Variants in COL15A1 observed in about 807,000 individuals in gnomAD.
COL15A1 encodes collagen alpha-1(XV) chain.
In COL15A1, 111 loss-of-function variants were observed where a neutral mutation model predicts 165.9. The ratio of observed to expected loss-of-function variants is 0.67; its 90% CI spans 0.57 to 0.78. The LOEUF is 0.78. Among genes scored for constraint, COL15A1 ranks in the 30% least tolerant of loss-of-function variants. The probability of loss-of-function intolerance (pLI) is 0.00; values close to 1 mark genes in which losing one functional copy is unlikely to be tolerated. For synonymous variants in COL15A1, 659 were observed against 674.8 expected (o/e 0.98, Z 0.36); for missense variants, 1,745 against 1,789.7 (o/e 0.98, Z 0.45).
intron 2 of COL15A1, among the ~76,000 whole-genome samples, chr9:98,951,355 AT>A (rs1193884162): frequency 1.3e-5 from 2 of 152,268 alleles, no homozygotes; most frequent in Admixed American, 1.3e-4. Flanking sequence ...GATTTTTCTT[AT>A]TTAATCATGA....
chr9:98,985,473 G>A (rs1264435429), intron 2 of COL15A1, 92 bp from the exon 3 acceptor site: 1 of 1,243,174 alleles, frequency 8.0e-7, no homozygotes, highest in Non-Finnish European at 1.1e-6. Context: ...GTTCCTGAGT[G>A]ATCCCGTTTC....
rs1444622992 is a variant in COL15A1, at chr9:99,020,419, C to A, written c.1678C>A (p.Gln560Lys). The change falls in exon 12 of 42, where the codon CAG becomes AAG. Residue 560 changes from glutamine (Q) to lysine (K), a missense_variant. Physicochemically the swap from Gln to Lys is moderately conservative, Grantham distance 53 (BLOSUM62 1). Transcript: ENST00000375001. ...AAGAGAACATGTGGGAATGAAAGGA[C>A]AGGCTGGGCCCAAAGGAGAAAAGGT... is the stretch of plus-strand genomic sequence containing the variant. ...AQREHVGMKGQAGPKGEKGDA... is the reference protein window; with the variant it reads ...AQREHVGMKGKAGPKGEKGDA... 5 of 1,613,464 alleles carry A rather than the reference C, an allele frequency of 3.1e-6. No homozygotes were observed. Among genetic ancestry groups the A allele is most frequent in the Non-Finnish European group, 4.2e-6 (5 of 1,179,360 alleles).
At chr9:99,024,285 GTTTTTTTT>G (rs1016769818) in intron 14 of COL15A1, among the ~76,000 whole-genome samples, 1 of 129,478 alleles carries the variant, frequency 7.7e-6, no homozygotes, top group Non-Finnish European at 1.6e-5. Flanking sequence ...TTGTTTTTTT[GTTTTTTTT>G]TTTTTGAGAT....
At chr9:99,069,067 G>A (rs920014032) in intron 41 of COL15A1, among the ~76,000 whole-genome samples, 23 of 152,220 alleles carry the variant, frequency 1.5e-4, no homozygotes, top group Non-Finnish European at 2.8e-4. Flanking sequence ...TCTAAATCTT[G>A]AAAATTATGT....
At chr9:99,035,527 C>G in intron 19 of COL15A1, 109 bp downstream of exon 19, 1 of 1,361,556 alleles carries the variant, frequency 7.3e-7, no homozygotes, top group South Asian at 1.2e-5. Flanking sequence ...CTCACCTTCT[C>G]TGTGCCTCCA....
intron 36 of COL15A1, among the ~76,000 whole-genome samples, chr9:99,060,247 TATATATA>T (rs1191319295): frequency 2.4e-5 from 3 of 125,034 alleles, no homozygotes; most frequent in South Asian, 6.0e-4. Context: ...TATATATATA[TATATATA>T]TATTTTTTTT....
At position 99,035,135 on chromosome 9, in the gene COL15A1, C is replaced by T. The variant is rs758111019; in HGVS notation, c.2201C>T (p.Thr734Ile). The change falls in exon 18 of 42, where the codon ACA (threonine) becomes ATA (isoleucine). Residue 734 changes from threonine to isoleucine, a missense_variant. By Grantham distance (89) the Thr-to-Ile change is moderately conservative (BLOSUM62 -1). Coordinates refer to ENST00000375001, the MANE Select transcript of COL15A1 (RefSeq NM_001855.5). ...CCTGGGCCCCCAGGCCCTGGATGCA[C>T]AATGGGACTTGGATTCGAGGTACTT... ...GPPGPPGPGC[T>I]MGLGFEDTEG... The T allele has an allele frequency of 6.3e-7, 1 of 1,598,718 alleles. No homozygotes were observed. The highest frequency in any genetic ancestry group is 1.1e-5 in the South Asian group (1 of 89,342).
At chr9:98,994,977 C>T (rs550885152) in intron 5 of COL15A1, among the ~76,000 whole-genome samples, 3 of 152,210 alleles carry the variant, frequency 2.0e-5, no homozygotes, top group African/African-American at 7.2e-5. Flanking sequence ...GCCCCCATCT[C>T]GTTGTCTTCC....
intron 36 of COL15A1, 28 bp downstream of exon 36, chr9:99,059,981 T>C (rs1401915237): frequency 6.2e-7 from 1 of 1,609,750 alleles, no homozygotes; most frequent in Non-Finnish European, 8.5e-7. Flanking sequence ...TGTGTAGTCA[T>C]CATTCCATTT....
At chr9:99,045,433 T>C (rs1392915025) in intron 26 of COL15A1, among the ~76,000 whole-genome samples, 2 of 152,236 alleles carry the variant, frequency 1.3e-5, no homozygotes, top group African/African-American at 4.8e-5. Context: ...ACTGAATTAG[T>C]ACTAAATGAT....
At chr9:99,002,431 A>T (rs1588510035) in intron 7 of COL15A1, among the ~76,000 whole-genome samples, 1 of 152,156 alleles carries the variant, frequency 6.6e-6, no homozygotes, top group African/African-American at 2.4e-5. Context: ...GTACACTGAA[A>T]ATTCTTTCCA....
chr9:99,034,586 TAAAAAAAAAAAAAAA>T lies in COL15A1; in HGVS notation c.2079+16_2079+30del, dbSNP rs60290557. The T allele has an allele frequency of 1.9e-3, 2,088 of 1,074,752 alleles. 1 individual carries two copies. Among genetic ancestry groups the T allele is most frequent in the South Asian group, 0.013 (646 of 50,968 alleles). 66.6% of individuals were successfully genotyped at this position (1,074,752 alleles called of 1,614,324 possible). ...CCTAATGGCTCAGTTGGTGAAAAGG[TAAAAAAAAAAAAAAA>T]AAAAAAAAAAAAAGAACTTTCTTCT... On this transcript the variant is annotated splice_donor_5th_base_variant and intron_variant, in intron 17 of 41. Transcript: ENST00000375001.
intron 2 of COL15A1, among the ~76,000 whole-genome samples, chr9:98,950,632 T>G (rs1837671375): frequency 7.0e-6 from 1 of 143,376 alleles, no homozygotes; most frequent in African/African-American, 2.7e-5. Context: ...TTCTTTCTTT[T>G]GACAGAGTCT....
chr9:99,041,961 C>A, intron 23 of COL15A1, 84 bp from the exon 24 acceptor site: 1 of 893,946 alleles, frequency 1.1e-6, no homozygotes, highest in Non-Finnish European at 1.8e-6. Context: ...GTGTATTCTA[C>A]TGTTGAGAAA....
At chr9:99,031,957 A>C (rs936735439) in intron 16 of COL15A1, among the ~76,000 whole-genome samples, 14 of 151,974 alleles carry the variant, frequency 9.2e-5, no homozygotes, top group African/African-American at 3.1e-4. Flanking sequence ...TATTTGGTTG[A>C]GTATAGAATT....
chr9:98,951,428 T>C (rs946885497), intron 2 of COL15A1, among the ~76,000 whole-genome samples: 3 of 152,228 alleles, frequency 2.0e-5, no homozygotes, highest in Admixed American at 6.5e-5. Context: ...GTCATGCTCC[T>C]GGCCCCAGAG....
chr9:98,990,760 G>A (rs556363056), intron 5 of COL15A1, among the ~76,000 whole-genome samples: 34 of 152,338 alleles, frequency 2.2e-4, no homozygotes, highest in African/African-American at 7.5e-4. Flanking sequence ...GGAGGGGAAG[G>A]AAGAGAACTG....
chr9:98,985,552 T>C lies in COL15A1; in HGVS notation c.101-13T>C, dbSNP rs773643079. Reference sequence around the variant, plus strand: ...ATACCTGTAAAGCGTGGCCTCTCTCTCCCTCCCTGCAGAGACTGCTTCCCA... The same window carrying C: ...ATACCTGTAAAGCGTGGCCTCTCTCCCCCTCCCTGCAGAGACTGCTTCCCA... On this transcript the variant is annotated splice_polypyrimidine_tract_variant and intron_variant, in intron 2 of 41. Coordinates refer to ENST00000375001, the MANE Select transcript of COL15A1 (RefSeq NM_001855.5). The C allele has an allele frequency of 7.5e-6, 12 of 1,603,234 alleles. No individual in the cohort carries two copies. The Admixed American group carries it at 8.4e-5, about 11-fold the overall frequency.
chr9:99,042,095 A>G lies in COL15A1; in HGVS notation c.2562A>G (p.Leu854=). 6.2e-7 allele frequency: 1 copy of G among 1,611,640 alleles called. No homozygotes were observed. Among genetic ancestry groups the G allele is most frequent in the Non-Finnish European group, 8.5e-7 (1 of 1,178,324 alleles). The change falls in exon 24 of 42, where the codon CTA becomes CTG. Residue 854 remains leucine, a synonymous_variant. Coordinates refer to ENST00000375001, the MANE Select transcript of COL15A1 (RefSeq NM_001855.5). ...CTGGTTTACCTGGCTTTCCAGGACT[A>G]AAAGGAGAACAGGTAAGAGGGGCCC... ...GDTGLPGFPG[L]KGEQGEKGEP... is the part of the protein sequence containing the mutation.
Sources: allele counts gnomAD v4.1 joint callset (sites outside exome capture counted in the v4.1 genomes callset), GRCh38; gene constraint gnomAD v4.1.1; transcripts MANE v1.5; gene names NCBI Gene and HGNC (gene_info 2026-07-23, HGNC 2026-07-21).